The following VDAC1 variants were observed in gnomAD, a reference collection of about 807,000 sequenced individuals.
VDAC1 encodes the protein non-selective voltage-gated ion channel VDAC1.
VDAC1 carries 10 observed loss-of-function variants against 34.7 expected under a neutral mutation model. The observed-to-expected ratio is 0.29, with a 90% CI of 0.18 to 0.49. VDAC1 has a LOEUF of 0.49. Among genes scored for constraint, VDAC1 ranks in the 20% least tolerant of loss-of-function variants. The probability of loss-of-function intolerance (pLI) is 0.99; values close to 1 mark genes in which losing one functional copy is unlikely to be tolerated. For missense variants in VDAC1, 230 were observed against 347.9 expected (o/e 0.66, Z 2.69); for synonymous variants, 130 against 136.0 (o/e 0.96, Z 0.30).
At chr5:133,977,795 T>C (rs1260373565) in intron 6 of VDAC1, among the ~76,000 whole-genome samples, 2 of 152,188 alleles carry the variant, frequency 1.3e-5, no homozygotes, top group Non-Finnish European at 2.9e-5. Context: ...ATGAGCAGGC[T>C]GAGGCAGGCT....
At chr5:134,096,615 A>AT in the VDAC1 span, among the ~76,000 whole-genome samples, 6 of 73,212 alleles carry the variant, frequency 8.2e-5, no homozygotes, top group Non-Finnish European at 1.4e-4. Context: ...TCTTTTTTTT[A>AT]TTTTTTTTGA....
chr5:134,049,388 C>T, the VDAC1 span, among the ~76,000 whole-genome samples: 1 of 151,836 alleles, frequency 6.6e-6, no homozygotes, highest in African/African-American at 2.4e-5. Flanking sequence ...GCCACCATGC[C>T]CACCCCTTGC....
chr5:134,059,321 T>C, the VDAC1 span, among the ~76,000 whole-genome samples: 3 of 152,144 alleles, frequency 2.0e-5, no homozygotes. Context: ...GAGAGAGGCT[T>C]GGACATGCTC....
chr5:134,104,189 A>G, the VDAC1 span, among the ~76,000 whole-genome samples: 2 of 152,224 alleles, frequency 1.3e-5, no homozygotes, highest in Non-Finnish European at 2.9e-5. Flanking sequence ...CAGTCCTACA[A>G]TGAATCAGGG....
intron 6 of VDAC1, among the ~76,000 whole-genome samples, chr5:133,980,177 C>T (rs912237258): frequency 6.6e-6 from 1 of 152,140 alleles, no homozygotes; most frequent in African/African-American, 2.4e-5. Flanking sequence ...TTTCCCTTAA[C>T]TTAAATCATC....
At chr5:134,003,376 G>A (rs1753634500) in intron 1 of VDAC1, among the ~76,000 whole-genome samples, 2 of 152,170 alleles carry the variant, frequency 1.3e-5, no homozygotes, top group African/African-American at 2.4e-5. Context: ...GAGAGGGGAG[G>A]CTAGTCAAGG....
chr5:134,106,350 C>T, the VDAC1 span, among the ~76,000 whole-genome samples: 1 of 151,652 alleles, frequency 6.6e-6, no homozygotes, highest in Non-Finnish European at 1.5e-5. Context: ...CTTCCAACTA[C>T]GTTAAAAACA....
In VDAC1 at chr5:133,991,042, G is replaced by A; in HGVS notation, c.230C>T (p.Thr77Ile). Residue 77 changes from threonine to isoleucine, a missense_variant, in exon 4 of 9, where the codon ACC (threonine) becomes ATC (isoleucine). Thr to Ile is a moderately conservative substitution (Grantham distance 89, BLOSUM62 -1). Transcript: ENST00000265333. ...AATCTCGGTGCCTAGTGTATTGTCG[G>A]TATTCCATTTCTCTGTAAACGTCAG... ...YGLTFTEKWN[T>I]DNTLGTEITV... The A allele has an allele frequency of 6.2e-7, 1 of 1,614,064 alleles. No homozygotes were observed.
chr5:134,095,698 G>A, the VDAC1 span, among the ~76,000 whole-genome samples: 113 of 152,086 alleles, frequency 7.4e-4, no homozygotes, highest in Middle Eastern at 3.4e-3. Flanking sequence ...GAGCTGAGGC[G>A]CAGGACTCTA....
chr5:133,976,074 C>A (rs554270866), intron 6 of VDAC1, 53 bp from the exon 7 acceptor site: 2 of 1,608,986 alleles, frequency 1.2e-6, no homozygotes, highest in African/African-American at 1.3e-5. Context: ...TGAGCTGCAG[C>A]CCAGACAGAT....
At chr5:134,061,557 G>A in the VDAC1 span, among the ~76,000 whole-genome samples, 43 of 151,352 alleles carry the variant, frequency 2.8e-4, no homozygotes, top group Admixed American at 4.6e-4. Context: ...TTTTTTTGTA[G>A]AGATGGGGTC....
chr5:134,035,508 A>G, the VDAC1 span, among the ~76,000 whole-genome samples: 1 of 152,172 alleles, frequency 6.6e-6, no homozygotes, highest in African/African-American at 2.4e-5. Context: ...TTGGTCTCCC[A>G]AAGTGCTGCG....
chr5:133,994,902 C>T (rs1220508705), intron 1 of VDAC1, among the ~76,000 whole-genome samples: 1 of 152,126 alleles, frequency 6.6e-6, no homozygotes, highest in Non-Finnish European at 1.5e-5. Flanking sequence ...CCTAAGACCT[C>T]CCTGGACCTT....
the VDAC1 span, among the ~76,000 whole-genome samples, chr5:134,094,026 C>T: frequency 0.017 from 2,652 of 152,316 alleles, 75 homozygotes; most frequent in African/African-American, 0.06. Context: ...CACTGAAATA[C>T]CCCAGAGACC....
At chr5:134,082,784 C>T in the VDAC1 span, among the ~76,000 whole-genome samples, 7 of 152,156 alleles carry the variant, frequency 4.6e-5, no homozygotes, top group African/African-American at 1.7e-4. Flanking sequence ...GTAGTGGTAC[C>T]TCATTGTGGT....
chr5:134,075,114 C>T, the VDAC1 span, among the ~76,000 whole-genome samples: 1 of 152,216 alleles, frequency 6.6e-6, no homozygotes, highest in Middle Eastern at 3.2e-3. Flanking sequence ...ATTCATACTA[C>T]CATCGCTGCT....
chr5:134,051,848 G>A, the VDAC1 span, among the ~76,000 whole-genome samples: 1 of 152,006 alleles, frequency 6.6e-6, no homozygotes, highest in Non-Finnish European at 1.5e-5. Flanking sequence ...ACAGGCACCT[G>A]TCATCATGCC....
the VDAC1 span, among the ~76,000 whole-genome samples, chr5:134,047,667 T>C: frequency 1.2e-3 from 180 of 152,268 alleles, no homozygotes; most frequent in African/African-American, 4.0e-3. Flanking sequence ...CTGCAACCCA[T>C]TGGGGTGTTT....
chr5:133,990,127 T>A (rs774167290), intron 5 of VDAC1, among the ~76,000 whole-genome samples: 3 of 152,212 alleles, frequency 2.0e-5, no homozygotes, highest in Non-Finnish European at 4.4e-5. Flanking sequence ...CACCCAGGAA[T>A]TGAGGCAGAC....
Sources: gnomAD v4.1 joint callset for allele counts (sites outside exome capture counted in the v4.1 genomes callset) on GRCh38, gnomAD v4.1.1 for gene constraint, MANE v1.5 for transcripts, NCBI Gene and HGNC (gene_info 2026-07-23, HGNC 2026-07-21) for gene names.